AGBL4: variants seen among roughly 807,000 people sequenced by gnomAD.
AGBL4 encodes the protein cytosolic carboxypeptidase 6.
Under a neutral mutation model 66.4 loss-of-function variants are expected in AGBL4, and 58 were observed. The ratio of observed to expected loss-of-function variants is 0.87; its 90% CI spans 0.71 to 1.09. The LOEUF is 1.09. Ranked by LOEUF, AGBL4 falls within the 50% of genes least tolerant of loss-of-function variation. The pLI is 0.00. For synonymous variants in AGBL4, 234 were observed against 222.9 expected (o/e 1.05, Z -0.44); for missense variants, 579 against 631.0 (o/e 0.92, Z 0.88).
chr1:49,245,961 C>A (rs1452394179), intron 3 of AGBL4, 97 bp from the exon 4 acceptor site: 3 of 873,884 alleles, frequency 3.4e-6, no homozygotes, highest in Non-Finnish European at 5.4e-6. Flanking sequence ...TAAAGAAAGC[C>A]ATATGGACTA....
At chr1:49,291,948 C>A (rs1462475531) in intron 3 of AGBL4, among the ~76,000 whole-genome samples, 1 of 152,226 alleles carries the variant, frequency 6.6e-6, no homozygotes, top group African/African-American at 2.4e-5. Flanking sequence ...AGGAGCCCTA[C>A]CCCCACCTTG....
At chr1:49,268,818 T>C (rs1643988955) in intron 3 of AGBL4, among the ~76,000 whole-genome samples, 1 of 152,222 alleles carries the variant, frequency 6.6e-6, no homozygotes, top group South Asian at 2.1e-4. Flanking sequence ...GTCTATTTTC[T>C]TATAAATGCA....
In AGBL4 at chr1:49,620,786, T is replaced by C. The variant is rs931693871; in HGVS notation, c.282+76527A>G. 6.6e-5 allele frequency among the ~76,000 whole-genome samples: 10 copies of C among 152,106 alleles called. No homozygotes were observed. The South Asian group carries it at 8.3e-4, about 13-fold the overall frequency. On this transcript the variant is annotated intron_variant, in intron 3 of 13. Transcript: ENST00000371839. Reference sequence around the variant, plus strand: ...TAACAGGTCAATATTAGGTCCCTTCTCCCTAAAATTTAATAGTAGAAAGTA... The same window carrying C: ...TAACAGGTCAATATTAGGTCCCTTCCCCCTAAAATTTAATAGTAGAAAGTA...
At chr1:49,710,885 AAAATT>A (rs1462537595) in intron 2 of AGBL4, among the ~76,000 whole-genome samples, 2 of 151,772 alleles carry the variant, frequency 1.3e-5, no homozygotes, top group South Asian at 2.1e-4. Context: ...TATGAAGCAA[AAAATT>A]AAATTAAAAT....
intron 3 of AGBL4, among the ~76,000 whole-genome samples, chr1:49,313,519 C>T (rs531351005): frequency 3.1e-4 from 47 of 152,238 alleles, no homozygotes; most frequent in African/African-American, 1.1e-3. Context: ...TATTTCTCCA[C>T]ATGCTCTCCA....
chr1:49,900,559 T>G (rs535501216), intron 1 of AGBL4, among the ~76,000 whole-genome samples: 1 of 152,306 alleles, frequency 6.6e-6, no homozygotes, highest in East Asian at 1.9e-4. Context: ...AGAGGTTTTA[T>G]AAAGTCAAGA....
chr1:48,588,411 C>T (rs1294404396), intron 10 of AGBL4, among the ~76,000 whole-genome samples: 2 of 152,216 alleles, frequency 1.3e-5, no homozygotes, highest in Non-Finnish European at 2.9e-5. Context: ...TTGTCTTAGT[C>T]TCAGTTTCCT....
chr1:49,562,186 T>A (rs1019896613), intron 3 of AGBL4, among the ~76,000 whole-genome samples: 5 of 152,166 alleles, frequency 3.3e-5, no homozygotes, highest in Admixed American at 3.3e-4. Context: ...GTGTTTGAGT[T>A]CATTGTAGAT....
chr1:48,905,232 T>C (rs1652472851), intron 5 of AGBL4, among the ~76,000 whole-genome samples: 1 of 152,164 alleles, frequency 6.6e-6, no homozygotes, highest in Admixed American at 6.5e-5. Context: ...GAAAGACACT[T>C]ACAACAAGAG....
intron 1 of AGBL4, among the ~76,000 whole-genome samples, chr1:49,892,060 G>C (rs982528048): frequency 6.6e-6 from 1 of 152,082 alleles, no homozygotes; most frequent in Non-Finnish European, 1.5e-5. Flanking sequence ...GAGCATGATG[G>C]CCAAATAAAC....
chr1:49,508,034 C>A (rs983337682), intron 3 of AGBL4, among the ~76,000 whole-genome samples: 2 of 151,810 alleles, frequency 1.3e-5, no homozygotes. Context: ...ACTGGGGATA[C>A]AATGGTAAGC....
chr1:49,121,807 C>A (rs764272318), intron 4 of AGBL4, among the ~76,000 whole-genome samples: 7 of 152,134 alleles, frequency 4.6e-5, no homozygotes, highest in Non-Finnish European at 1.0e-4. Flanking sequence ...CTATGTCCTG[C>A]CCACAGAGGT....
At chr1:49,432,273 A>G (rs1645804667) in intron 3 of AGBL4, among the ~76,000 whole-genome samples, 1 of 152,242 alleles carries the variant, frequency 6.6e-6, no homozygotes, top group African/African-American at 2.4e-5. Context: ...ACTTACACGT[A>G]GACATATAGC....
chr1:49,391,774 G>C (rs1051847247), intron 3 of AGBL4, among the ~76,000 whole-genome samples: 1 of 151,976 alleles, frequency 6.6e-6, no homozygotes, highest in African/African-American at 2.4e-5. Flanking sequence ...TGTTAGCCAG[G>C]ATGGTCTTGA....
intron 2 of AGBL4, among the ~76,000 whole-genome samples, chr1:49,744,969 A>G (rs1263836525): frequency 2.0e-5 from 3 of 152,122 alleles, no homozygotes; most frequent in Admixed American, 2.0e-4. Context: ...ACTGTTTCTA[A>G]TAGTATGATA....
chr1:49,892,781 C>CTAGA (rs1383883758), intron 1 of AGBL4, among the ~76,000 whole-genome samples: 18 of 152,240 alleles, frequency 1.2e-4, no homozygotes, highest in Non-Finnish European at 1.5e-5. Context: ...CTAGATGTCA[C>CTAGA]CTATTCCTCA....
intron 9 of AGBL4, among the ~76,000 whole-genome samples, chr1:48,607,111 T>G (rs1302322628): frequency 6.6e-6 from 1 of 152,218 alleles, no homozygotes; most frequent in East Asian, 1.9e-4. Flanking sequence ...TTCAGTAATC[T>G]TTTTCATACC....
At chr1:48,577,603 C>T (rs2148326889) in intron 11 of AGBL4, among the ~76,000 whole-genome samples, 1 of 152,230 alleles carries the variant, frequency 6.6e-6, no homozygotes, top group African/African-American at 2.4e-5. Flanking sequence ...GGGCAGGAGA[C>T]ATTCAGAAAT....
intron 3 of AGBL4, among the ~76,000 whole-genome samples, chr1:49,350,047 T>C (rs1645717425): frequency 6.6e-6 from 1 of 152,206 alleles, no homozygotes; most frequent in South Asian, 2.1e-4. Flanking sequence ...GTCTGTAATA[T>C]TTTGTTATAG....
Sources: gnomAD v4.1 joint callset for allele counts (sites outside exome capture counted in the v4.1 genomes callset) on GRCh38, gnomAD v4.1.1 for gene constraint, MANE v1.5 for transcripts, NCBI Gene and HGNC (gene_info 2026-07-23, HGNC 2026-07-21) for gene names.